Variants in STXBP5 observed in about 807,000 individuals in gnomAD.
STXBP5 encodes the protein syntaxin binding protein 5, also known as syntaxin-binding protein 5.
A neutral mutation model predicts 152.4 loss-of-function variants in STXBP5; 50 were observed. The observed-to-expected ratio is 0.33, with a 90% CI of 0.26 to 0.42. The LOEUF is 0.42. STXBP5 is among the 10% of genes least tolerant of loss of function. The pLI is 1.00. For missense variants in STXBP5, 1,167 were observed against 1,388.6 expected, an observed-to-expected ratio of 0.84 and a Z score of 2.54; for synonymous variants, 492 against 494.7, an observed-to-expected ratio of 0.99 and a Z score of 0.07.
chr6:147,337,214 C>CACACACACACACACAA (rs150169446), intron 19 of STXBP5, among the ~76,000 whole-genome samples: 5,577 of 147,320 alleles, frequency 0.038, 142 homozygotes, highest in Non-Finnish European at 0.054. Context: ...CACACACACA[C>CACACACACACACACAA]AAGAAGTCAT....
chr6:147,211,425 T>G (rs1461104531), intron 2 of STXBP5, among the ~76,000 whole-genome samples: 1 of 152,176 alleles, frequency 6.6e-6, no homozygotes, highest in African/African-American at 2.4e-5. Context: ...CTAAATTGAT[T>G]AATGACTTTC....
At chr6:147,328,042 C>T (rs908367637) in intron 18 of STXBP5, among the ~76,000 whole-genome samples, 2 of 152,200 alleles carry the variant, frequency 1.3e-5, no homozygotes, top group African/African-American at 2.4e-5. Flanking sequence ...TAAGCCCACA[C>T]TCATTGAGAA....
chr6:147,270,681 A>G (rs2128337155), intron 7 of STXBP5, among the ~76,000 whole-genome samples: 1 of 152,306 alleles, frequency 6.6e-6, no homozygotes, highest in Non-Finnish European at 1.5e-5. Flanking sequence ...GGATCTATTC[A>G]AAAGAATGAA....
At chr6:147,272,690 A>G (rs982311126) in intron 7 of STXBP5, among the ~76,000 whole-genome samples, 13 of 152,240 alleles carry the variant, frequency 8.5e-5, no homozygotes, top group African/African-American at 3.1e-4. Context: ...ATTCATTTTT[A>G]TTACACAGGC....
chr6:147,311,321 C>T, intron 10 of STXBP5, 134 bp from the exon 11 acceptor site: 1 of 715,712 alleles, frequency 1.4e-6, no homozygotes, highest in Non-Finnish European at 2.4e-6. Context: ...AAATAACATG[C>T]ATGAAGTATC....
Position 147,373,759 on chromosome 6 carries a change from T to C in STXBP5, c.3110T>C (p.Val1037Ala), listed in dbSNP as rs1007697569. 2.5e-6 allele frequency: 4 copies of C among 1,613,700 alleles called. No individual in the cohort carries two copies. Residue 1037 changes from valine (V) to alanine (A), a missense_variant, in exon 26 of 28, where the codon GTA becomes GCA. Val to Ala is a moderately conservative substitution (Grantham distance 64). Coordinates refer to ENST00000321680, the MANE Select transcript of STXBP5 (RefSeq NM_001127715.4). Reference sequence around the variant, plus strand: ...ATGTTGGGTGAACTCTTCACTCCTGTAGAAACACCTGAAGCACCAAACAGG... The same window carrying C: ...ATGTTGGGTGAACTCTTCACTCCTGCAGAAACACCTGAAGCACCAAACAGG... ...QEMLGELFTPVETPEAPNRGF... is the reference protein window; with the variant it reads ...QEMLGELFTPAETPEAPNRGF...
intron 4 of STXBP5, among the ~76,000 whole-genome samples, chr6:147,254,543 A>G (rs1002803902): frequency 1.3e-5 from 2 of 152,222 alleles, no homozygotes; most frequent in African/African-American, 4.8e-5. Flanking sequence ...CAATCTATCC[A>G]TCTGGCAAAA....
chr6:147,287,899 T>G (rs771924065), intron 8 of STXBP5, among the ~76,000 whole-genome samples: 2 of 152,218 alleles, frequency 1.3e-5, no homozygotes, highest in Admixed American at 6.5e-5. Context: ...CAGCCATGTA[T>G]GAGTATCCCT....
chr6:147,316,812 T>C (rs1263495842), intron 16 of STXBP5, among the ~76,000 whole-genome samples: 1 of 152,188 alleles, frequency 6.6e-6, no homozygotes, highest in Non-Finnish European at 1.5e-5. Context: ...CATTTTCTTT[T>C]TCTGAATCTT....
chr6:147,298,613 T>C (rs1266235319), intron 9 of STXBP5, among the ~76,000 whole-genome samples: 1 of 152,000 alleles, frequency 6.6e-6, no homozygotes, highest in African/African-American at 2.4e-5. Flanking sequence ...TGTGAGAAGA[T>C]AGAGATCATA....
chr6:147,350,609 A>G (rs970917761), intron 21 of STXBP5, among the ~76,000 whole-genome samples: 3 of 152,126 alleles, frequency 2.0e-5, no homozygotes, highest in Non-Finnish European at 4.4e-5. Context: ...ATTGCATTCT[A>G]TACTTTTGTG....
chr6:147,346,744 A>G (rs187839589), intron 21 of STXBP5, among the ~76,000 whole-genome samples: 2 of 152,252 alleles, frequency 1.3e-5, no homozygotes, highest in East Asian at 1.9e-4. Flanking sequence ...CTCAAAAAAA[A>G]AAATACAAAC....
At chr6:147,372,448 T>C (rs1384944518) in intron 25 of STXBP5, among the ~76,000 whole-genome samples, 2 of 104,578 alleles carry the variant, frequency 1.9e-5, no homozygotes, top group African/African-American at 7.5e-5. Flanking sequence ...TTTTTTTTTT[T>C]TTTTTTTTTT....
At chr6:147,297,685 A>G (rs1365151499) in intron 9 of STXBP5, among the ~76,000 whole-genome samples, 3 of 152,148 alleles carry the variant, frequency 2.0e-5, no homozygotes, top group Non-Finnish European at 2.9e-5. Context: ...GAGATATATA[A>G]CAAAAATGTT....
chr6:147,348,721 G>T (rs1784451375), intron 21 of STXBP5, among the ~76,000 whole-genome samples: 1 of 152,062 alleles, frequency 6.6e-6, no homozygotes, highest in South Asian at 2.1e-4. Flanking sequence ...CAAAATATAT[G>T]CAAAGATTTA....
chr6:147,361,797 A>T (rs893642106), intron 23 of STXBP5, among the ~76,000 whole-genome samples: 1 of 152,200 alleles, frequency 6.6e-6, no homozygotes, highest in African/African-American at 2.4e-5. Flanking sequence ...TCAAAACTTT[A>T]AAGGCGGAAG....
chr6:147,376,637 C>T (rs1785823935), intron 26 of STXBP5, among the ~76,000 whole-genome samples: 1 of 151,940 alleles, frequency 6.6e-6, no homozygotes, highest in South Asian at 2.1e-4. Context: ...GGCAATATAA[C>T]AAGACCCTGT....
At chr6:147,371,980 C>A (rs1785562250) in intron 25 of STXBP5, among the ~76,000 whole-genome samples, 1 of 151,894 alleles carries the variant, frequency 6.6e-6, no homozygotes, top group Non-Finnish European at 1.5e-5. Flanking sequence ...TTAAAATATG[C>A]CTAAAATTGC....
At chr6:147,300,453 A>G (rs1254075770) in intron 9 of STXBP5, among the ~76,000 whole-genome samples, 2 of 152,132 alleles carry the variant, frequency 1.3e-5, no homozygotes, top group African/African-American at 2.4e-5. Context: ...GTATTGGCAT[A>G]AAAAGAGATG....
Sources: gnomAD v4.1 joint callset for allele counts (sites outside exome capture counted in the v4.1 genomes callset) on GRCh38, gnomAD v4.1.1 for gene constraint, MANE v1.5 for transcripts, NCBI Gene and HGNC (gene_info 2026-07-23, HGNC 2026-07-21) for gene names.